ATP5MF: variants seen among roughly 807,000 people sequenced by gnomAD.
ATP5MF encodes ATP synthase membrane subunit f.
A neutral mutation model predicts 13.8 loss-of-function variants in ATP5MF; 10 were observed. The observed-to-expected ratio is 0.72, with a 90% CI of 0.45 to 1.23. The LOEUF is 1.23. ATP5MF is among the 50% of genes most tolerant of loss of function. ATP5MF has a pLI of 0.00. For missense variants in ATP5MF, 122 were observed against 118.2 expected, an observed-to-expected ratio of 1.03 and a Z score of -0.15; for synonymous variants, 40 against 45.8, an observed-to-expected ratio of 0.87 and a Z score of 0.51.
At chr7:99,465,850 G>A (rs1364075489) in intron 1 of ATP5MF, among the ~76,000 whole-genome samples, 1 of 152,222 alleles carries the variant, frequency 6.6e-6, no homozygotes, top group Non-Finnish European at 1.5e-5. Flanking sequence ...AGGAACAGTG[G>A]CCCAAGGCGG....
chr7:99,460,710 G>A (rs1027903310), intron 1 of ATP5MF, among the ~76,000 whole-genome samples: 1 of 152,170 alleles, frequency 6.6e-6, no homozygotes, highest in African/African-American at 2.4e-5. Context: ...CCCTGGGGAT[G>A]TGTCGCTGGA....
rs746449773 is a variant in ATP5MF, at chr7:99,460,083, G to A, written c.139+3C>T. ...CATTTACAGACATCCACAAGGCTCT[G>A]ACCTCTTTGAAACGCTCCGAAAATG... On this transcript the variant is annotated splice_donor_region_variant and intron_variant, in intron 2 of 3. Coordinates refer to ENST00000292475, the MANE Select transcript of ATP5MF (RefSeq NM_004889.5). The A allele has an allele frequency of 6.2e-7, 1 of 1,610,662 alleles. No homozygotes were observed. The highest frequency in any genetic ancestry group is 2.2e-5 in the East Asian group (1 of 44,862).
At chr7:99,466,078 C>T (rs1004495404) in intron 1 of ATP5MF, 33 bp downstream of exon 1, 1 of 1,614,058 alleles carries the variant, frequency 6.2e-7, no homozygotes, top group Non-Finnish European at 8.5e-7. Context: ...GACCCTGGCT[C>T]CTGCTTCCAC....
At chr7:99,462,064 G>A (rs1798628574) in intron 1 of ATP5MF, among the ~76,000 whole-genome samples, 1 of 151,986 alleles carries the variant, frequency 6.6e-6, no homozygotes, top group African/African-American at 2.4e-5. Flanking sequence ...CATGGAGCCT[G>A]GCACATCACA....
chr7:99,465,178 G>C (rs1470693680), intron 1 of ATP5MF, among the ~76,000 whole-genome samples: 1 of 151,564 alleles, frequency 6.6e-6, no homozygotes. Flanking sequence ...AGAATCGCTT[G>C]AACCCAGGAG....
intron 1 of ATP5MF, among the ~76,000 whole-genome samples, chr7:99,462,770 C>T (rs1476781790): frequency 6.6e-6 from 1 of 152,196 alleles, no homozygotes; most frequent in Non-Finnish European, 1.5e-5. Context: ...CAAGATGCAT[C>T]TATACTTATT....
intron 1 of ATP5MF, among the ~76,000 whole-genome samples, chr7:99,464,190 C>T (rs1798741189): frequency 6.6e-6 from 1 of 152,248 alleles, no homozygotes; most frequent in Non-Finnish European, 1.5e-5. Flanking sequence ...TAGTTCAGAG[C>T]TCTTGACCAC....
At chr7:99,462,493 T>C (rs1302326338) in intron 1 of ATP5MF, among the ~76,000 whole-genome samples, 1 of 108,000 alleles carries the variant, frequency 9.3e-6, no homozygotes, top group Non-Finnish European at 2.0e-5. Context: ...CCTAACACAT[T>C]TGGCAGGGCA....
At chr7:99,463,188 A>T (rs114974110) in intron 1 of ATP5MF, among the ~76,000 whole-genome samples, 1,953 of 152,342 alleles carry the variant, frequency 0.013, 38 homozygotes, top group African/African-American at 0.045. Flanking sequence ...AGAACCACAG[A>T]TCCTCGAGAG....
At chr7:99,458,490 G>A in intron 3 of ATP5MF, 135 bp from the exon 4 acceptor site, 2 of 889,872 alleles carry the variant, frequency 2.2e-6, no homozygotes, top group South Asian at 3.8e-5. Flanking sequence ...CCGCCTGCCG[G>A]TGTCTCTGCA....
rs761746638 is a variant in ATP5MF at position 99,459,183 on chromosome 7, C to T, written c.220G>A (p.Val74Met). The change falls in exon 3 of 4, where the codon GTG (valine) becomes ATG (methionine). Residue 74 changes from valine (V) to methionine (M), a missense_variant. Physicochemically the swap from Val to Met is conservative, Grantham distance 21 (BLOSUM62 1). Coordinates refer to ENST00000292475, the MANE Select transcript of ATP5MF (RefSeq NM_004889.5). ...SGITMVLACY[V>M]LFSYSFSYKH... Reference sequence around the variant, plus strand: ...TAGGAAAAGGAGTAGCTAAAGAGCACGTAGCATGCCAGCACCATGGTAATC... The same window carrying T: ...TAGGAAAAGGAGTAGCTAAAGAGCATGTAGCATGCCAGCACCATGGTAATC... The T allele has an allele frequency of 2.6e-5, 42 of 1,613,984 alleles. No homozygotes were observed. Among genetic ancestry groups the T allele is most frequent in the East Asian group, 4.5e-5 (2 of 44,890 alleles).
chr7:99,466,159 C>T lies in ATP5MF; in HGVS notation c.-18G>A, dbSNP rs565413845. Reference sequence around the variant, plus strand: ...GACGCCATTTTGGAGTCCTGGTGTCCGCTGTGCCGGACCGCGCGAGGGCTG... The same window carrying T: ...GACGCCATTTTGGAGTCCTGGTGTCTGCTGTGCCGGACCGCGCGAGGGCTG... On this transcript the variant is annotated 5_prime_UTR_variant, in exon 1 of 4. Transcript: ENST00000292475. The T allele has an allele frequency of 2.2e-5, 35 of 1,614,154 alleles. No individual in the cohort carries two copies. The highest frequency in any genetic ancestry group is 3.3e-5 in the Admixed American group (2 of 60,030).
At chr7:99,465,670 T>C (rs1273316994) in intron 1 of ATP5MF, among the ~76,000 whole-genome samples, 2 of 152,150 alleles carry the variant, frequency 1.3e-5, no homozygotes, top group South Asian at 2.1e-4. Context: ...ATTCAACATA[T>C]ATGCATCGAA....
At chr7:99,459,969 C>T in intron 2 of ATP5MF, 117 bp downstream of exon 2, 1 of 1,207,024 alleles carries the variant, frequency 8.3e-7, no homozygotes, top group Non-Finnish European at 1.2e-6. Flanking sequence ...TCATCCTCTA[C>T]ATAACTTACT....
At chr7:99,461,419 CAA>C (rs1798595231) in intron 1 of ATP5MF, among the ~76,000 whole-genome samples, 2 of 152,100 alleles carry the variant, frequency 1.3e-5, no homozygotes, top group South Asian at 2.1e-4. Flanking sequence ...CTATTGAGGG[CAA>C]AGAGTCTAGG....
At chr7:99,465,664 A>G (rs538730728) in intron 1 of ATP5MF, among the ~76,000 whole-genome samples, 1 of 152,260 alleles carries the variant, frequency 6.6e-6, no homozygotes, top group African/African-American at 2.4e-5. Flanking sequence ...TCTCTGATTC[A>G]ACATATATGC....
intron 1 of ATP5MF, 72 bp from the exon 2 acceptor site, chr7:99,460,265 C>A: frequency 6.5e-7 from 1 of 1,541,220 alleles, no homozygotes; most frequent in South Asian, 1.1e-5. Context: ...CCTTTCCTGC[C>A]ACTGCTTCAA....
At chr7:99,459,335 C>T in intron 2 of ATP5MF, 72 bp from the exon 3 acceptor site, 1 of 1,148,230 alleles carries the variant, frequency 8.7e-7, no homozygotes, top group Non-Finnish European at 1.3e-6. Context: ...ACAGTTGAGT[C>T]TGGCTGACAT....
At chr7:99,464,595 AGAGCTTGCAGT>A (rs1798764281) in intron 1 of ATP5MF, among the ~76,000 whole-genome samples, 1 of 152,026 alleles carries the variant, frequency 6.6e-6, no homozygotes, top group Non-Finnish European at 1.5e-5. Flanking sequence ...CCCGGGAGGC[AGAGCTTGCAGT>A]GAGCTGAGAT....
Sources: allele counts gnomAD v4.1 joint callset (sites outside exome capture counted in the v4.1 genomes callset), GRCh38; gene constraint gnomAD v4.1.1; transcripts MANE v1.5; gene names NCBI Gene and HGNC (gene_info 2026-07-23, HGNC 2026-07-21).